Variants in TRAK1 observed in about 807,000 individuals in gnomAD.
TRAK1 encodes trafficking kinesin protein 1, also known as trafficking kinesin-binding protein 1.
In TRAK1, 33 loss-of-function variants were observed where a neutral mutation model predicts 92.1. The observed-to-expected ratio is 0.36, with a 90% CI of 0.27 to 0.48. TRAK1 has a LOEUF of 0.48. TRAK1 is among the 20% of genes least tolerant of loss of function. The pLI, the probability that TRAK1 is intolerant of heterozygous loss-of-function variation, is 0.99. For synonymous variants in TRAK1, 521 were observed against 517.3 expected (o/e 1.01, Z -0.10); for missense variants, 1,123 against 1,257.9 (o/e 0.89, Z 1.62).
At chr3:42,179,334 G>T (rs1327030413) in intron 3 of TRAK1, among the ~76,000 whole-genome samples, 2 of 152,204 alleles carry the variant, frequency 1.3e-5, no homozygotes, top group Non-Finnish European at 2.9e-5. Flanking sequence ...TGTTTCTTCT[G>T]TTCTCTTGCT....
At chr3:42,172,444 A>G (rs1222726660) in intron 2 of TRAK1, among the ~76,000 whole-genome samples, 2 of 152,130 alleles carry the variant, frequency 1.3e-5, no homozygotes, top group South Asian at 2.1e-4. Flanking sequence ...ACTCCTTGCC[A>G]CCTACAATTT....
intron 2 of TRAK1, among the ~76,000 whole-genome samples, chr3:42,128,228 AGAGT>A (rs910619649): frequency 6.6e-6 from 1 of 152,222 alleles, no homozygotes; most frequent in Non-Finnish European, 1.5e-5. Context: ...ACTTGAACAG[AGAGT>A]GAGTGTCTTT....
intron 15 of TRAK1, among the ~76,000 whole-genome samples, chr3:42,219,886 C>T (rs368764400): frequency 6.8e-6 from 1 of 147,690 alleles, no homozygotes; most frequent in African/African-American, 2.5e-5. Flanking sequence ...ACCTCCACCT[C>T]CTGGGTTCAA....
chr3:42,129,710 A>G (rs1696941353), intron 2 of TRAK1, among the ~76,000 whole-genome samples: 1 of 152,218 alleles, frequency 6.6e-6, no homozygotes, highest in African/African-American at 2.4e-5. Flanking sequence ...GGTAATCCTC[A>G]GAGTGGCCTG....
At chr3:42,145,484 C>T (rs917528579) in intron 2 of TRAK1, among the ~76,000 whole-genome samples, 1 of 89,684 alleles carries the variant, frequency 1.1e-5, no homozygotes, top group Non-Finnish European at 2.3e-5. Flanking sequence ...GACTCTGTCT[C>T]AAAAAAAAAA....
chr3:42,097,853 A>ACTT, intron 1 of TRAK1, among the ~76,000 whole-genome samples: 1 of 152,242 alleles, frequency 6.6e-6, no homozygotes, highest in Middle Eastern at 3.4e-3. Context: ...CCAAACACAT[A>ACTT]CTGATAGGTT....
At chr3:42,044,815 C>G (rs549986042) in intron 1 of TRAK1, among the ~76,000 whole-genome samples, 6 of 151,380 alleles carry the variant, frequency 4.0e-5, no homozygotes, top group African/African-American at 1.5e-4. Flanking sequence ...CCAATTTTCT[C>G]TGTTTTCTTT....
intron 4 of TRAK1, among the ~76,000 whole-genome samples, chr3:42,185,762 C>G (rs1161669865): frequency 1.3e-5 from 2 of 151,604 alleles, no homozygotes; most frequent in Admixed American, 6.6e-5. Flanking sequence ...ACTTCCACCC[C>G]CCGAGTTCAA....
At chr3:42,174,377 G>A (rs2149353910) in intron 2 of TRAK1, among the ~76,000 whole-genome samples, 1 of 152,324 alleles carries the variant, frequency 6.6e-6, no homozygotes, top group African/African-American at 2.4e-5. Flanking sequence ...AGTAAAACGG[G>A]AACTCTGAGG....
upstream of TRAK1, among the ~76,000 whole-genome samples, chr3:42,084,166 T>G (rs546749967): frequency 1.3e-5 from 2 of 152,194 alleles, no homozygotes; most frequent in Non-Finnish European, 2.9e-5. Flanking sequence ...TGTCTTAAGC[T>G]TTTTTTGTTT....
intron 1 of TRAK1, among the ~76,000 whole-genome samples, chr3:42,049,812 C>T (rs1702910058): frequency 6.6e-6 from 1 of 152,182 alleles, no homozygotes; most frequent in African/African-American, 2.4e-5. Flanking sequence ...GGATACAGTG[C>T]CTTCTCTCTC....
At chr3:42,158,235 T>G (rs1700789958) in intron 2 of TRAK1, among the ~76,000 whole-genome samples, 1 of 152,206 alleles carries the variant, frequency 6.6e-6, no homozygotes, top group Non-Finnish European at 1.5e-5. Context: ...AGTCACTTGA[T>G]AGTATTTTTG....
At chr3:42,048,910 AT>A (rs1702868146) in intron 1 of TRAK1, among the ~76,000 whole-genome samples, 1 of 152,074 alleles carries the variant, frequency 6.6e-6, no homozygotes, top group Non-Finnish European at 1.5e-5. Flanking sequence ...GGACATTATT[AT>A]TTTTATCTTC....
intron 1 of TRAK1, among the ~76,000 whole-genome samples, chr3:42,047,255 G>C (rs80316589): frequency 1.4e-5 from 2 of 146,214 alleles, no homozygotes; most frequent in Non-Finnish European, 1.5e-5. Context: ...GATTGTAGTG[G>C]CATGATCATA....
chr3:42,141,160 A>G (rs1698604689), intron 2 of TRAK1, among the ~76,000 whole-genome samples: 4 of 152,210 alleles, frequency 2.6e-5, no homozygotes. Flanking sequence ...TATAAATTGA[A>G]ATATTCATAT....
chr3:42,207,415 T>C (rs1227314026), intron 13 of TRAK1, among the ~76,000 whole-genome samples: 1 of 152,168 alleles, frequency 6.6e-6, no homozygotes, highest in Non-Finnish European at 1.5e-5. Context: ...CTGATGTCCT[T>C]CTTGTTCTCA....
At chr3:42,134,180 T>TTCCCCTTCCCCC (rs1697593643) in intron 2 of TRAK1, among the ~76,000 whole-genome samples, 1 of 116,776 alleles carries the variant, frequency 8.6e-6, no homozygotes, top group Admixed American at 9.2e-5. Flanking sequence ...CCCCTTCCTC[T>TTCCCCTTCCCCC]TCCCCTTCCC....
At chr3:42,153,379 A>G (rs893934760) in intron 2 of TRAK1, among the ~76,000 whole-genome samples, 3 of 152,154 alleles carry the variant, frequency 2.0e-5, no homozygotes, top group African/African-American at 7.2e-5. Context: ...CCTGGGCGAC[A>G]GAGTGAGATC....
intron 1 of TRAK1, among the ~76,000 whole-genome samples, chr3:42,080,371 A>G (rs148958058): frequency 2.0e-4 from 30 of 152,218 alleles, no homozygotes; most frequent in African/African-American, 7.2e-4. Context: ...TCCTACTACT[A>G]TTCCTGGCAC....
Sources: gnomAD v4.1 joint callset for allele counts (sites outside exome capture counted in the v4.1 genomes callset) on GRCh38, gnomAD v4.1.1 for gene constraint, MANE v1.5 for transcripts, NCBI Gene and HGNC (gene_info 2026-07-23, HGNC 2026-07-21) for gene names.